The following HECTD2 variants were observed in gnomAD, a reference collection of about 807,000 sequenced individuals.
HECTD2 encodes the protein probable E3 ubiquitin-protein ligase HECTD2.
HECTD2 carries 35 observed loss-of-function variants against 103.2 expected under a neutral mutation model. The ratio of observed to expected loss-of-function variants is 0.34; its 90% CI spans 0.26 to 0.45. The LOEUF (loss-of-function observed/expected upper bound fraction) is 0.45. Among genes scored for constraint, HECTD2 ranks in the 20% least tolerant of loss-of-function variants. The pLI is 1.00. For synonymous variants in HECTD2, 281 were observed against 329.9 expected (o/e 0.85, Z 1.61); for missense variants, 596 against 937.4 (o/e 0.64, Z 4.76).
intron 5 of HECTD2, among the ~76,000 whole-genome samples, chr10:91,468,767 CA>C (rs201621439): frequency 3.3e-5 from 5 of 151,528 alleles, no homozygotes; most frequent in African/African-American, 4.8e-5. Flanking sequence ...CCCATCTCTA[CA>C]AAAAAAAATT....
In HECTD2 at chr10:91,410,489, G is replaced by T. The variant is rs780428493; in HGVS notation, c.51G>T (p.Ala17=). The change falls in exon 1 of 21, where the codon GCG becomes GCT. Residue 17 remains alanine, a synonymous_variant. Transcript: ENST00000298068. ...VPSPATPLVV[A]APAPEERKGK... is the part of the protein sequence containing the mutation. Reference sequence around the variant, plus strand: ...CGCCCGCCACTCCGCTGGTGGTGGCGGCGCCCGCGCCTGAGGAGAGGAAAG... The same window carrying T: ...CGCCCGCCACTCCGCTGGTGGTGGCTGCGCCCGCGCCTGAGGAGAGGAAAG... The T allele has an allele frequency of 6.8e-7, 1 of 1,468,450 alleles. No individual in the cohort carries two copies. Among genetic ancestry groups the T allele is most frequent in the South Asian group, 1.3e-5 (1 of 77,148 alleles). 91.0% of individuals were successfully genotyped at this position (1,468,450 alleles called of 1,614,324 possible).
chr10:91,432,405 T>A (rs776097866), intron 2 of HECTD2, among the ~76,000 whole-genome samples: 50 of 151,942 alleles, frequency 3.3e-4, no homozygotes, highest in Non-Finnish European at 6.3e-4. Flanking sequence ...TGACTAGGTA[T>A]GCCTGTCAAA....
chr10:91,457,864 A>G (rs1425413372), intron 2 of HECTD2, among the ~76,000 whole-genome samples: 2 of 151,956 alleles, frequency 1.3e-5, no homozygotes, highest in African/African-American at 2.4e-5. Context: ...TTCCCTTTTA[A>G]TAGTGGGAAT....
chr10:91,469,015 A>G (rs1209260150), intron 5 of HECTD2, among the ~76,000 whole-genome samples: 2 of 151,990 alleles, frequency 1.3e-5, no homozygotes, highest in Non-Finnish European at 2.9e-5. Flanking sequence ...AAAGAATTTC[A>G]GAGCTCAAAG....
intron 1 of HECTD2, among the ~76,000 whole-genome samples, chr10:91,421,666 T>A (rs1843364327): frequency 6.6e-6 from 1 of 152,200 alleles, no homozygotes; most frequent in African/African-American, 2.4e-5. Flanking sequence ...TTATAAAAAT[T>A]CATTATTTCA....
chr10:91,492,519 T>A (rs1846517795), intron 13 of HECTD2, 35 bp downstream of exon 13: 2 of 1,517,670 alleles, frequency 1.3e-6, no homozygotes, highest in Non-Finnish European at 9.1e-7. Context: ...AAACTGTGTT[T>A]CTTCATAATT....
chr10:91,502,800 C>A (rs1325517668), intron 20 of HECTD2, among the ~76,000 whole-genome samples: 2 of 152,040 alleles, frequency 1.3e-5, no homozygotes, highest in African/African-American at 2.4e-5. Context: ...ACAAAGGTGA[C>A]ATTACTTCTA....
chr10:91,497,598 C>T (rs906048143), intron 15 of HECTD2, among the ~76,000 whole-genome samples: 4 of 151,816 alleles, frequency 2.6e-5, no homozygotes, highest in East Asian at 1.9e-4. Flanking sequence ...CATGAGCCAC[C>T]GTGCCCGGCT....
chr10:91,410,363 G>T lies in HECTD2; in HGVS notation c.-76G>T. 4 of 981,480 alleles carry T rather than the reference G, an allele frequency of 4.1e-6. No individual in the cohort carries two copies. Among genetic ancestry groups the T allele is most frequent in the Non-Finnish European group, 5.2e-6 (4 of 768,136 alleles). 60.8% of individuals were successfully genotyped at this position (981,480 alleles called of 1,614,324 possible). The stretch of plus-strand genomic sequence containing the variant: ...CAGCCCAGAGCCCTCTCGCGGCCGC[G>T]GCGGCAGCAGCAGCGCCAGCCCCAG... On this transcript the variant is annotated 5_prime_UTR_variant, in exon 1 of 21. Transcript: ENST00000298068.
chr10:91,451,715 C>T (rs960315008), intron 2 of HECTD2, among the ~76,000 whole-genome samples: 1 of 151,834 alleles, frequency 6.6e-6, no homozygotes. Flanking sequence ...GTTTAAACCC[C>T]CACACTAATG....
chr10:91,510,477 A>C (rs925435290), intron 20 of HECTD2, among the ~76,000 whole-genome samples: 2 of 152,322 alleles, frequency 1.3e-5, no homozygotes, highest in African/African-American at 4.8e-5. Context: ...CATTTTCATA[A>C]GATATTCTTC....
At chr10:91,473,971 G>A (rs1308803228) in intron 5 of HECTD2, among the ~76,000 whole-genome samples, 2 of 152,046 alleles carry the variant, frequency 1.3e-5, no homozygotes, top group Non-Finnish European at 2.9e-5. Context: ...CCTAAAAAAT[G>A]CCTGCATAAA....
intron 5 of HECTD2, among the ~76,000 whole-genome samples, chr10:91,473,750 C>T (rs550310697): frequency 6.6e-6 from 1 of 152,198 alleles, no homozygotes; most frequent in African/African-American, 2.4e-5. Context: ...ATTATCTTTT[C>T]TCTATTTTAT....
At chr10:91,434,134 C>A (rs746905133) in intron 2 of HECTD2, among the ~76,000 whole-genome samples, 3 of 151,950 alleles carry the variant, frequency 2.0e-5, no homozygotes, top group Non-Finnish European at 4.4e-5. Flanking sequence ...TGGCTAAAGT[C>A]CTGTGAGTCA....
intron 1 of HECTD2, among the ~76,000 whole-genome samples, chr10:91,413,045 A>G (rs1026114484): frequency 2.2e-4 from 34 of 152,064 alleles, no homozygotes; most frequent in African/African-American, 7.5e-4. Flanking sequence ...TTTTTGCCCC[A>G]GCCTAATGGT....
chr10:91,426,886 C>T (rs1762976031), intron 2 of HECTD2, among the ~76,000 whole-genome samples: 1 of 151,478 alleles, frequency 6.6e-6, no homozygotes, highest in African/African-American at 2.4e-5. Flanking sequence ...TTTTAGGGTA[C>T]ATGTGCACAA....
chr10:91,491,124 A>C, intron 11 of HECTD2, 76 bp from the exon 12 acceptor site: 1 of 683,378 alleles, frequency 1.5e-6, no homozygotes, highest in South Asian at 1.7e-5. Context: ...TGTTATTTTT[A>C]CTAAAGTGTT....
At chr10:91,505,433 C>T (rs1847115358) in intron 20 of HECTD2, among the ~76,000 whole-genome samples, 1 of 151,828 alleles carries the variant, frequency 6.6e-6, no homozygotes, top group South Asian at 2.1e-4. Context: ...GGAAGATCTA[C>T]CAAGCAAATG....
At chr10:91,490,152 G>C (rs1303818821) in intron 11 of HECTD2, among the ~76,000 whole-genome samples, 1 of 151,982 alleles carries the variant, frequency 6.6e-6, no homozygotes, top group East Asian at 1.9e-4. Context: ...ATTTTCTTTT[G>C]ATATTTGTTC....
Sources: gnomAD v4.1 joint callset for allele counts (sites outside exome capture counted in the v4.1 genomes callset) on GRCh38, gnomAD v4.1.1 for gene constraint, MANE v1.5 for transcripts, NCBI Gene and HGNC (gene_info 2026-07-23, HGNC 2026-07-21) for gene names.